CD58: variants seen among roughly 807,000 people sequenced by gnomAD.
The protein encoded by CD58 is lymphocyte function-associated antigen 3.
A neutral mutation model predicts 27.6 loss-of-function variants in CD58; 14 were observed. The observed-to-expected ratio is 0.51, with a 90% CI of 0.34 to 0.79. The LOEUF (loss-of-function observed/expected upper bound fraction) is 0.79. CD58 is among the 30% of genes least tolerant of loss of function. The probability of loss-of-function intolerance (pLI) is 0.02; values close to 1 mark genes in which losing one functional copy is unlikely to be tolerated. For missense variants in CD58, 268 were observed against 301.7 expected (o/e 0.89, Z 0.83); for synonymous variants, 117 against 103.8 (o/e 1.13, Z -0.77).
intron 1 of CD58, among the ~76,000 whole-genome samples, chr1:116,556,255 GAAAAAAAAA>G (rs1158092746): frequency 7.7e-4 from 23 of 29,834 alleles, no homozygotes; most frequent in African/African-American, 1.9e-3. Flanking sequence ...CTCCATCTCA[GAAAAAAAAA>G]AAAAAAAAAA....
At chr1:116,543,712 C>G (rs1181970078) in intron 2 of CD58, among the ~76,000 whole-genome samples, 1 of 151,956 alleles carries the variant, frequency 6.6e-6, no homozygotes, top group East Asian at 1.9e-4. Flanking sequence ...CACCTGAGCT[C>G]AGGAGTTTGA....
intron 1 of CD58, among the ~76,000 whole-genome samples, chr1:116,555,564 AT>A (rs973390832): frequency 2.0e-5 from 3 of 152,064 alleles, no homozygotes; most frequent in Non-Finnish European, 4.4e-5. Context: ...AGAATTTTGA[AT>A]TTTTTTTAAA....
intron 1 of CD58, among the ~76,000 whole-genome samples, chr1:116,565,908 A>G (rs55672763): frequency 0.051 from 7,793 of 152,086 alleles, 619 homozygotes; most frequent in African/African-American, 0.18. Flanking sequence ...TAGTAGAGAC[A>G]GGGTTTCACT....
At position 116,570,848 on chromosome 1, in the gene CD58, G is replaced by T; in HGVS notation, c.70+55C>A. 7.0e-7 allele frequency: 1 copy of T among 1,428,348 alleles called. No individual in the cohort carries two copies. Among genetic ancestry groups the T allele is most frequent in the Non-Finnish European group, 9.5e-7 (1 of 1,055,394 alleles). 88.5% of individuals were successfully genotyped at this position (1,428,348 alleles called of 1,614,324 possible). A position where few individuals can be genotyped will look rare whatever the true frequency, so the allele number is the denominator to read the frequency against. On this transcript the variant is annotated intron_variant, in intron 1 of 5. Transcript: ENST00000369489. The surrounding 1 kb of genome is among the most constrained non-coding windows in gnomAD (Gnocchi z 6.4). ...AGCCCGGCGCGTCCACCCAGCCTGG[G>T]TGCTGCCCAGTACCCGCCGGCCGGC...
intron 1 of CD58, among the ~76,000 whole-genome samples, chr1:116,549,487 C>G (rs1658314759): frequency 6.6e-6 from 1 of 152,120 alleles, no homozygotes; most frequent in Non-Finnish European, 1.5e-5. Context: ...CCAGCCCTTG[C>G]AAGGCATCAA....
intron 4 of CD58, among the ~76,000 whole-genome samples, chr1:116,520,286 A>AT (rs1008848875): frequency 3.3e-5 from 5 of 151,074 alleles, no homozygotes; most frequent in African/African-American, 9.7e-5. Flanking sequence ...TAATTTTTGT[A>AT]TTTTTTTGTA....
Position 116,521,709 on chromosome 1 carries a change from T to C in CD58, c.706+197A>G. On this transcript the variant is annotated intron_variant, in intron 4 of 5. Coordinates refer to ENST00000369489, the MANE Select transcript of CD58 (RefSeq NM_001779.3). This position sits in a 1 kb window ranked among gnomAD's most constrained non-coding sequence, Gnocchi z 5.6. ...GTAAAGCTCTCTGTGGCCTAAGGAT[T>C]CATTCTACCTTGAGATAATGTGGAT... 1 of 502,364 alleles carries C rather than the reference T, an allele frequency of 2.0e-6. No individual in the cohort carries two copies. The allele number at this position is 502,364 out of a possible 1,614,324, so 31.1% of individuals were successfully genotyped here.
rs1657732074 is a variant in CD58, at chr1:116,534,646, C to T, written c.628+1319G>A. The stretch of plus-strand genomic sequence containing the variant: ...CTCCAGGCCCCAAGCCCCAGGCCCG[C>T]CGCGGCGGCGCTGCCCACCCTGACG... On this transcript the variant is annotated intron_variant, in intron 3 of 5. Transcript: ENST00000369489. The surrounding 1 kb of genome is among the most constrained non-coding windows in gnomAD (Gnocchi z 5.3). 6.6e-6 allele frequency among the ~76,000 whole-genome samples: 1 copy of T among 152,220 alleles called. No individual in the cohort carries two copies. Among genetic ancestry groups the T allele is most frequent in the South Asian group, 2.1e-4 (1 of 4,838 alleles).
chr1:116,557,866 G>A lies in CD58; in HGVS notation c.70+13037C>T, dbSNP rs1370780732. Among the ~76,000 whole-genome samples, 2 of 151,814 alleles carry A rather than the reference G, an allele frequency of 1.3e-5. No individual in the cohort carries two copies. The highest frequency in any genetic ancestry group is 3.9e-4 in the East Asian group (2 of 5,188). Reference sequence around the variant, plus strand: ...TTTTTATATTTTTTGTAGAAACAAGGTCTCACTATGTTGCTCAGGCTGATC... The same window carrying A: ...TTTTTATATTTTTTGTAGAAACAAGATCTCACTATGTTGCTCAGGCTGATC... On this transcript the variant is annotated intron_variant, in intron 1 of 5. Coordinates refer to ENST00000369489, the MANE Select transcript of CD58 (RefSeq NM_001779.3). The surrounding 1 kb of genome is among the most constrained non-coding windows in gnomAD (Gnocchi z 5.2).
intron 1 of CD58, among the ~76,000 whole-genome samples, chr1:116,558,141 A>T (rs1345359049): frequency 6.7e-6 from 1 of 149,818 alleles, no homozygotes; most frequent in Non-Finnish European, 1.5e-5. Context: ...GTAAAGTAAA[A>T]GTTCATTTGA....
intron 2 of CD58, among the ~76,000 whole-genome samples, chr1:116,537,974 T>C (rs1657872430): frequency 6.6e-6 from 1 of 152,242 alleles, no homozygotes; most frequent in South Asian, 2.1e-4. Context: ...TTAATGCTTA[T>C]GCTCCAATTA....
chr1:116,567,192 G>A (rs896390023), intron 1 of CD58, among the ~76,000 whole-genome samples: 2 of 132,652 alleles, frequency 1.5e-5, no homozygotes, highest in African/African-American at 5.5e-5. Flanking sequence ...GGAAGGGAAG[G>A]GAAGGGAAGG....
At position 116,550,057 on chromosome 1, in the gene CD58, G is replaced by C. The variant is rs1324521913; in HGVS notation, c.71-5453C>G. Reference sequence around the variant, plus strand: ...AAAAAAAACATGCTAACAATCATTTGAGCCTTCAGCAAGTCCTAATATTTT... The same window carrying C: ...AAAAAAAACATGCTAACAATCATTTCAGCCTTCAGCAAGTCCTAATATTTT... On this transcript the variant is annotated intron_variant, in intron 1 of 5. Coordinates refer to ENST00000369489, the MANE Select transcript of CD58 (RefSeq NM_001779.3). The surrounding 1 kb of genome is among the most constrained non-coding windows in gnomAD (Gnocchi z 4.2). Among the ~76,000 whole-genome samples, 1 of 151,928 alleles carries C rather than the reference G, an allele frequency of 6.6e-6. No homozygotes were observed. Among genetic ancestry groups the C allele is most frequent in the African/African-American group, 2.4e-5 (1 of 41,354 alleles).
Position 116,519,056 on chromosome 1 carries a change from G to T in CD58, c.743+175C>A, listed in dbSNP as rs1236792862. The T allele has an allele frequency of 2.9e-6, 4 of 1,364,246 alleles. No homozygotes were observed. Among genetic ancestry groups the T allele is most frequent in the Non-Finnish European group, 3.9e-6 (4 of 1,026,254 alleles). 84.5% of individuals were successfully genotyped at this position (1,364,246 alleles called of 1,614,324 possible). A position where few individuals can be genotyped will look rare whatever the true frequency, so the allele number is the denominator to read the frequency against. On this transcript the variant is annotated intron_variant, in intron 5 of 5. Coordinates refer to ENST00000369489, the MANE Select transcript of CD58 (RefSeq NM_001779.3). The surrounding 1 kb of genome is among the most constrained non-coding windows in gnomAD (Gnocchi z 4.7). ...ATATGCAGAGAGTGGCTAGTGCAGT[G>T]CATGGCACACAGTTGGTACTTAATA...
Position 116,538,705 on chromosome 1 carries a change from A to G in CD58, c.365-2477T>C, listed in dbSNP as rs1163748265. Among the ~76,000 whole-genome samples, 1 of 152,178 alleles carries G rather than the reference A, an allele frequency of 6.6e-6. No individual in the cohort carries two copies. The highest frequency in any genetic ancestry group is 1.5e-5 in the Non-Finnish European group (1 of 68,032). ...ATCCAGCACTTTCTGAACTGAACAG[A>G]GGTGCATCATCAGCCCCAGAGACTG... is the stretch of plus-strand genomic sequence containing the variant. On this transcript the variant is annotated intron_variant, in intron 2 of 5. Coordinates refer to ENST00000369489, the MANE Select transcript of CD58 (RefSeq NM_001779.3). The surrounding 1 kb of genome is among the most constrained non-coding windows in gnomAD (Gnocchi z 4.7).
intron 3 of CD58, chr1:116,533,217 T>C: frequency 1.3e-6 from 1 of 789,736 alleles, no homozygotes; most frequent in East Asian, 2.5e-5. Flanking sequence ...ATTGAAGAAG[T>C]TGAAAAATGA....
In CD58 at chr1:116,546,121, A is replaced by G. The variant is rs1658161007; in HGVS notation, c.71-1517T>C. 6.6e-6 allele frequency among the ~76,000 whole-genome samples: 1 copy of G among 152,238 alleles called. No homozygotes were observed. Among genetic ancestry groups the G allele is most frequent in the Non-Finnish European group, 1.5e-5 (1 of 68,036 alleles). On this transcript the variant is annotated intron_variant, in intron 1 of 5. Coordinates refer to ENST00000369489, the MANE Select transcript of CD58 (RefSeq NM_001779.3). The surrounding 1 kb of genome is among the most constrained non-coding windows in gnomAD (Gnocchi z 4.1). The stretch of plus-strand genomic sequence containing the variant: ...CATGAGGCAGAGATTGCAGTCAGCC[A>G]TGATTGTGCCACTGCACTCCAGCCT...
rs1658433285 is a variant in CD58, at chr1:116,552,765, C to A, written c.71-8161G>T. ...ACACTCCTTTTGTGGCTAGCTTTGT[C>A]TATTGCAGTTACACCGCAATAACTA... is the stretch of plus-strand genomic sequence containing the variant. On this transcript the variant is annotated intron_variant, in intron 1 of 5. Coordinates refer to ENST00000369489, the MANE Select transcript of CD58 (RefSeq NM_001779.3). This position sits in a 1 kb window ranked among gnomAD's most constrained non-coding sequence, Gnocchi z 4.5. 6.6e-6 allele frequency among the ~76,000 whole-genome samples: 1 copy of A among 152,188 alleles called. No individual in the cohort carries two copies. Among genetic ancestry groups the A allele is most frequent in the Admixed American group, 6.5e-5 (1 of 15,284 alleles).
chr1:116,568,165 A>G (rs1659008895), intron 1 of CD58, among the ~76,000 whole-genome samples: 1 of 152,100 alleles, frequency 6.6e-6, no homozygotes, highest in South Asian at 2.1e-4. Context: ...CTCTACCAGG[A>G]AACAGTATTG....
Sources: allele counts gnomAD v4.1 joint callset (sites outside exome capture counted in the v4.1 genomes callset), GRCh38; gene constraint gnomAD v4.1.1; non-coding constraint Gnocchi (gnomAD v3.1); transcripts MANE v1.5; gene names NCBI Gene and HGNC (gene_info 2026-07-23, HGNC 2026-07-21).